KCND2: variants seen among roughly 807,000 people sequenced by gnomAD.
KCND2 encodes the protein A-type voltage-gated potassium channel KCND2.
A neutral mutation model predicts 54.4 loss-of-function variants in KCND2; 16 were observed. The ratio of observed to expected loss-of-function variants is 0.29; its 90% CI spans 0.20 to 0.45. The LOEUF is 0.45. KCND2 is among the 20% of genes least tolerant of loss of function. The pLI, the probability that KCND2 is intolerant of heterozygous loss-of-function variation, is 1.00. For missense variants in KCND2, 486 were observed against 824.2 expected, an observed-to-expected ratio of 0.59 and a Z score of 5.02; for synonymous variants, 317 against 310.7, an observed-to-expected ratio of 1.02 and a Z score of -0.21.
intron 1 of KCND2, among the ~76,000 whole-genome samples, chr7:120,703,720 G>A (rs967105967): frequency 3.9e-5 from 6 of 152,148 alleles, no homozygotes; most frequent in Non-Finnish European, 7.4e-5. Flanking sequence ...GAGAAATGCT[G>A]ATACATTGCA....
chr7:120,531,148 T>C (rs1379014333), intron 1 of KCND2, among the ~76,000 whole-genome samples: 2 of 152,128 alleles, frequency 1.3e-5, no homozygotes. Context: ...TGTATTTCTC[T>C]AGTCAATTCA....
intron 1 of KCND2, among the ~76,000 whole-genome samples, chr7:120,296,611 A>G (rs1799516904): frequency 6.6e-6 from 1 of 152,108 alleles, no homozygotes; most frequent in Non-Finnish European, 1.5e-5. Context: ...TGAATTCTTT[A>G]TAGTCATTCT....
chr7:120,397,084 T>C (rs6954358), intron 1 of KCND2, among the ~76,000 whole-genome samples: 1 of 152,052 alleles, frequency 6.6e-6, no homozygotes, highest in East Asian at 1.9e-4. Context: ...CCTATATCTA[T>C]GAACAGACAC....
chr7:120,670,470 G>A lies in KCND2; in HGVS notation c.1116-62433G>A, dbSNP rs568258601. On this transcript the variant is annotated intron_variant, in intron 1 of 5. Coordinates refer to ENST00000331113, the MANE Select transcript of KCND2 (RefSeq NM_012281.3). ...GCTTTCAGCCTGTCATAGGTCCATG[G>A]ATTTGTTGCTAACTGGATCCCCATT... Among the ~76,000 whole-genome samples the A allele has an allele frequency of 2.0e-5, 3 of 152,152 alleles. No homozygotes were observed. In the South Asian group the frequency reaches 6.2e-4, roughly 32 times the overall value.
intron 1 of KCND2, among the ~76,000 whole-genome samples, chr7:120,540,259 T>A (rs184401951): frequency 6.6e-4 from 101 of 152,322 alleles, no homozygotes; most frequent in African/African-American, 2.3e-3. Context: ...ATATAAAAAG[T>A]AAAATGTTAT....
intron 1 of KCND2, among the ~76,000 whole-genome samples, chr7:120,639,294 T>C (rs1186104387): frequency 2.0e-5 from 3 of 151,948 alleles, no homozygotes; most frequent in African/African-American, 4.8e-5. Context: ...AGGTCCTCTT[T>C]TACTATGGGA....
intron 1 of KCND2, among the ~76,000 whole-genome samples, chr7:120,344,934 A>T (rs201133753): frequency 7.2e-5 from 11 of 152,316 alleles, no homozygotes; most frequent in East Asian, 3.9e-4. Flanking sequence ...GCTGGGATAA[A>T]CTTAATTGGA....
intron 1 of KCND2, among the ~76,000 whole-genome samples, chr7:120,580,826 A>G (rs1000959332): frequency 2.0e-5 from 3 of 152,232 alleles, no homozygotes; most frequent in Non-Finnish European, 4.4e-5. Flanking sequence ...TTATTATGGC[A>G]CAATGAGCAA....
intron 1 of KCND2, among the ~76,000 whole-genome samples, chr7:120,611,767 T>C (rs915682231): frequency 2.6e-5 from 4 of 152,200 alleles, no homozygotes; most frequent in Non-Finnish European, 5.9e-5. Context: ...TTGACTGATA[T>C]TTAAAATATC....
At position 120,650,961 on chromosome 7, in the gene KCND2, A is replaced by C. The variant is rs1320645269; in HGVS notation, c.1116-81942A>C. Among the ~76,000 whole-genome samples, 2 of 142,960 alleles carry C rather than the reference A, an allele frequency of 1.4e-5. 1 individual carries two copies. Among genetic ancestry groups the C allele is most frequent in the Non-Finnish European group, 3.0e-5 (2 of 65,890 alleles). 93.8% of individuals were successfully genotyped at this position (142,960 alleles called of 152,430 possible). A position where few individuals can be genotyped will look rare whatever the true frequency, so the allele number is the denominator to read the frequency against. ...GCTGAACAGCAAACGTTGCCACCTG[A>C]TCGTTCCTCTGGAAGCTTCATCTCA... On this transcript the variant is annotated intron_variant, in intron 1 of 5. Coordinates refer to ENST00000331113, the MANE Select transcript of KCND2 (RefSeq NM_012281.3).
chr7:120,497,237 T>C (rs1376710274), intron 1 of KCND2, among the ~76,000 whole-genome samples: 1 of 152,196 alleles, frequency 6.6e-6, no homozygotes, highest in Non-Finnish European at 1.5e-5. Flanking sequence ...TTAATTGCAT[T>C]ATTATTGGCT....
intron 1 of KCND2, among the ~76,000 whole-genome samples, chr7:120,708,319 T>C (rs1401014394): frequency 6.6e-6 from 1 of 152,118 alleles, no homozygotes; most frequent in Non-Finnish European, 1.5e-5. Flanking sequence ...TAGAAACTGA[T>C]AGGTGTGCAT....
intron 1 of KCND2, among the ~76,000 whole-genome samples, chr7:120,326,771 A>G (rs1382149658): frequency 6.7e-6 from 1 of 148,208 alleles, no homozygotes; most frequent in African/African-American, 2.6e-5. Context: ...ACTGCAGGAA[A>G]GCAGCAATAT....
intron 1 of KCND2, among the ~76,000 whole-genome samples, chr7:120,622,589 A>G (rs1793112916): frequency 6.6e-6 from 1 of 151,966 alleles, no homozygotes; most frequent in African/African-American, 2.4e-5. Flanking sequence ...AAGGAGTTAT[A>G]GCAGAATCAT....
At chr7:120,731,734 C>T (rs1792809318) in intron 1 of KCND2, among the ~76,000 whole-genome samples, 2 of 152,076 alleles carry the variant, frequency 1.3e-5, no homozygotes, top group African/African-American at 2.4e-5. Context: ...AAGAAATGAC[C>T]ACGGTTTGGT....
At position 120,577,148 on chromosome 7, in the gene KCND2, A is replaced by AAAT. The variant is rs113249495; in HGVS notation, c.1116-155736_1116-155734dup. Among the ~76,000 whole-genome samples the AAAT allele has an allele frequency of 7.8e-4, 118 of 151,220 alleles. 1 individual carries two copies. The highest frequency in any genetic ancestry group is 1.3e-3 in the East Asian group (7 of 5,186). On this transcript the variant is annotated intron_variant, in intron 1 of 5. Coordinates refer to ENST00000331113, the MANE Select transcript of KCND2 (RefSeq NM_012281.3). Reference sequence around the variant, plus strand: ...GACAACAGAGTGAGACTCTGTCTCCAAATAATAATAATAATAATAATGGGA... The same window carrying AAAT: ...GACAACAGAGTGAGACTCTGTCTCCAAATAATAATAATAATAATAATAATGGGA...
intron 1 of KCND2, among the ~76,000 whole-genome samples, chr7:120,634,261 C>T (rs1212534444): frequency 6.6e-6 from 1 of 151,944 alleles, no homozygotes; most frequent in African/African-American, 2.4e-5. Context: ...TATTACAATG[C>T]CTTCCGACAC....
chr7:120,417,329 A>G (rs1008894446), intron 1 of KCND2, among the ~76,000 whole-genome samples: 4 of 152,232 alleles, frequency 2.6e-5, no homozygotes, highest in African/African-American at 9.6e-5. Flanking sequence ...ATACAGAATC[A>G]TACATGTGCT....
intron 1 of KCND2, among the ~76,000 whole-genome samples, chr7:120,631,777 T>C (rs955026745): frequency 6.6e-6 from 1 of 152,168 alleles, no homozygotes; most frequent in Non-Finnish European, 1.5e-5. Flanking sequence ...CAAGTACAAA[T>C]AGTTCATTGT....
Sources: gnomAD v4.1 joint callset for allele counts (sites outside exome capture counted in the v4.1 genomes callset) on GRCh38, gnomAD v4.1.1 for gene constraint, MANE v1.5 for transcripts, NCBI Gene and HGNC (gene_info 2026-07-23, HGNC 2026-07-21) for gene names.